TLK1: variants seen among roughly 807,000 people sequenced by gnomAD.
TLK1 encodes serine/threonine-protein kinase tousled-like 1.
Under a neutral mutation model 105.3 loss-of-function variants are expected in TLK1, and 24 were observed. The ratio of observed to expected loss-of-function variants is 0.23; its 90% CI spans 0.17 to 0.32. TLK1 has a LOEUF of 0.32. TLK1 is among the 10% of genes least tolerant of loss of function. The pLI is 1.00. For missense variants in TLK1, 558 were observed against 910.5 expected, an observed-to-expected ratio of 0.61 and a Z score of 4.98; for synonymous variants, 321 against 310.4, an observed-to-expected ratio of 1.03 and a Z score of -0.36.
chr2:171,126,668 G>A (rs1292082647), intron 1 of TLK1, among the ~76,000 whole-genome samples: 1 of 152,008 alleles, frequency 6.6e-6, no homozygotes. Flanking sequence ...CTTTCTAATA[G>A]TAGATTCAAT....
chr2:171,187,453 T>G (rs776975341), intron 1 of TLK1, among the ~76,000 whole-genome samples: 12 of 152,200 alleles, frequency 7.9e-5, no homozygotes, highest in Non-Finnish European at 1.3e-4. Context: ...CCATTAAAAG[T>G]CTATGACAGT....
At chr2:171,228,152 G>A (rs1383667723) in intron 1 of TLK1, among the ~76,000 whole-genome samples, 1 of 152,134 alleles carries the variant, frequency 6.6e-6, no homozygotes, top group Non-Finnish European at 1.5e-5. Context: ...CTCTAGCCTG[G>A]GTGACAGAGC....
chr2:171,132,733 G>C (rs1345226529), intron 1 of TLK1, among the ~76,000 whole-genome samples: 1 of 152,120 alleles, frequency 6.6e-6, no homozygotes, highest in Admixed American at 6.5e-5. Flanking sequence ...CAAAAAATTA[G>C]CTGGGTGGGG....
At chr2:171,143,495 G>T (rs1354223017) in intron 1 of TLK1, among the ~76,000 whole-genome samples, 2 of 96,758 alleles carry the variant, frequency 2.1e-5, no homozygotes, top group African/African-American at 9.2e-5. Context: ...AGAAGAGTGG[G>T]ACTCTATCTC....
chr2:171,012,967 G>A (rs886073702), intron 13 of TLK1, among the ~76,000 whole-genome samples: 9 of 151,570 alleles, frequency 5.9e-5, no homozygotes, highest in African/African-American at 1.2e-4. Context: ...TGTAATTTTC[G>A]GAACAGTTAG....
intron 10 of TLK1, among the ~76,000 whole-genome samples, chr2:171,047,559 T>C (rs1314623641): frequency 1.3e-5 from 2 of 152,222 alleles, no homozygotes; most frequent in Non-Finnish European, 1.5e-5. Context: ...ATTGAAAGGG[T>C]AGAGAAAAAT....
At chr2:171,176,852 T>A (rs942869790) in intron 1 of TLK1, among the ~76,000 whole-genome samples, 4 of 151,782 alleles carry the variant, frequency 2.6e-5, no homozygotes, top group East Asian at 1.9e-4. Context: ...TTTTTTTTTT[T>A]AAAACAGTCT....
chr2:171,000,625 A>AG (rs1429568339), intron 18 of TLK1, among the ~76,000 whole-genome samples: 2 of 152,226 alleles, frequency 1.3e-5, no homozygotes, highest in East Asian at 3.9e-4. Flanking sequence ...GAGTAGACTG[A>AG]GGAGGGGTTA....
At chr2:171,141,943 T>C (rs1383433909) in intron 1 of TLK1, among the ~76,000 whole-genome samples, 1 of 152,066 alleles carries the variant, frequency 6.6e-6, no homozygotes, top group Admixed American at 6.6e-5. Context: ...AAAACACTAA[T>C]GGTAATATCT....
chr2:171,213,096 A>G (rs1693650516), intron 1 of TLK1, among the ~76,000 whole-genome samples: 1 of 152,064 alleles, frequency 6.6e-6, no homozygotes, highest in Non-Finnish European at 1.5e-5. Flanking sequence ...TTTTTTTTAG[A>G]AAAAATATTT....
intron 1 of TLK1, chr2:171,154,046 C>T (rs1412414913): frequency 6.6e-6 from 1 of 150,952 alleles, no homozygotes; most frequent in Non-Finnish European, 1.5e-5. Flanking sequence ...CTAGGACTAC[C>T]GACATATGCC....
chr2:171,199,520 A>C (rs1464680221), intron 1 of TLK1, among the ~76,000 whole-genome samples: 2 of 152,002 alleles, frequency 1.3e-5, no homozygotes, highest in Admixed American at 1.3e-4. Context: ...TAAAAAAAAA[A>C]AAAAATCAGA....
intron 1 of TLK1, among the ~76,000 whole-genome samples, chr2:171,123,305 TC>T (rs1339124414): frequency 1.3e-5 from 2 of 152,018 alleles, no homozygotes; most frequent in African/African-American, 4.8e-5. Context: ...CAAGAGATTC[TC>T]CCACCTCAGC....
chr2:171,076,858 G>A (rs1294709550), intron 3 of TLK1, among the ~76,000 whole-genome samples: 1 of 151,884 alleles, frequency 6.6e-6, no homozygotes, highest in Non-Finnish European at 1.5e-5. Context: ...AGCTTGCAGT[G>A]AGCCGAGATG....
At chr2:171,169,503 T>C (rs1692685093) in intron 1 of TLK1, among the ~76,000 whole-genome samples, 1 of 152,214 alleles carries the variant, frequency 6.6e-6, no homozygotes, top group East Asian at 1.9e-4. Flanking sequence ...TTTCCCAGGC[T>C]GGCCTTGAAT....
intron 1 of TLK1, among the ~76,000 whole-genome samples, chr2:171,146,732 C>T (rs1489080926): frequency 6.6e-6 from 1 of 152,180 alleles, no homozygotes; most frequent in South Asian, 2.1e-4. Flanking sequence ...TGTGTAACTC[C>T]CTTCTGTAGG....
At chr2:171,122,404 G>C (rs1243995558) in intron 1 of TLK1, among the ~76,000 whole-genome samples, 11 of 152,144 alleles carry the variant, frequency 7.2e-5, no homozygotes, top group Admixed American at 7.2e-4. Context: ...AGCAGCAACT[G>C]TATCACCAAG....
In TLK1 at chr2:170,992,207, C is replaced by G. The variant is rs1559327027; in HGVS notation, c.*1573G>C. ...ATTGTTTATTACTGTTTTGGCTATA[C>G]TCTCTACAATTTCAGCAGCATTTTA... On this transcript the variant is annotated 3_prime_UTR_variant, in exon 21 of 21. Coordinates refer to ENST00000431350, the MANE Select transcript of TLK1 (RefSeq NM_012290.5). 6.6e-6 allele frequency: 1 copy of G among 152,078 alleles called. No individual in the cohort carries two copies. Among genetic ancestry groups the G allele is most frequent in the Non-Finnish European group, 1.5e-5 (1 of 67,996 alleles). The allele number at this position is 152,078 out of a possible 1,614,324, so 9.4% of individuals were successfully genotyped here.
intron 11 of TLK1, among the ~76,000 whole-genome samples, chr2:171,041,707 T>C (rs1049377527): frequency 6.6e-6 from 1 of 152,132 alleles, no homozygotes; most frequent in Admixed American, 6.5e-5. Context: ...GAAAACACTG[T>C]CTTCCACAAA....
Sources: allele counts gnomAD v4.1 joint callset (sites outside exome capture counted in the v4.1 genomes callset), GRCh38; gene constraint gnomAD v4.1.1; transcripts MANE v1.5; gene names NCBI Gene and HGNC (gene_info 2026-07-23, HGNC 2026-07-21).